Variants in CEP76 observed in about 807,000 individuals in gnomAD.
CEP76 encodes centrosomal protein 76, also known as centrosomal protein of 76 kDa.
A neutral mutation model predicts 83.3 loss-of-function variants in CEP76; 55 were observed. That is an observed-to-expected ratio of 0.66 (90% confidence interval 0.53 to 0.83). The LOEUF is 0.83. Ranked by LOEUF, CEP76 falls within the 40% of genes least tolerant of loss-of-function variation. The pLI is 0.00. For missense variants in CEP76, 694 were observed against 799.5 expected (o/e 0.87, Z 1.59); for synonymous variants, 270 against 274.5 (o/e 0.98, Z 0.16).
At chr18:12,687,482 G>A (rs1172225943) in intron 7 of CEP76, among the ~76,000 whole-genome samples, 1 of 144,706 alleles carries the variant, frequency 6.9e-6, no homozygotes, top group Non-Finnish European at 1.5e-5. Flanking sequence ...TTGAGACAGA[G>A]TCTCGCTGTT....
At chr18:12,688,872 T>G (rs2145057674) in intron 7 of CEP76, among the ~76,000 whole-genome samples, 1 of 152,242 alleles carries the variant, frequency 6.6e-6, no homozygotes, top group South Asian at 2.1e-4. Flanking sequence ...CCCAGCACTT[T>G]GGGAGGCCGA....
chr18:12,699,960 G>A (rs988927176), intron 2 of CEP76, 55 bp from the exon 3 acceptor site: 2 of 1,206,236 alleles, frequency 1.7e-6, no homozygotes, highest in African/African-American at 1.6e-5. Context: ...TATAGGTTAA[G>A]GAAATGTCAA....
intron 8 of CEP76, among the ~76,000 whole-genome samples, chr18:12,683,186 C>CAAAAAAAAAAAAAAAAAAAAAAAAAAA (rs765652085): frequency 1.7e-4 from 11 of 63,676 alleles, no homozygotes; most frequent in Middle Eastern, 0.014. Flanking sequence ...CTAAAAATAC[C>CAAAAAAAAAAAAAAAAAAAAAAAAAAA]AAAAAAAAAA....
chr18:12,677,033 A>G lies in CEP76; in HGVS notation c.1623+1076T>C, dbSNP rs142975223. Among the ~76,000 whole-genome samples, 1,242 of 152,300 alleles carry G rather than the reference A, an allele frequency of 8.2e-3. 14 individuals carry two copies. The highest frequency in any genetic ancestry group is 0.028 in the African/African-American group (1,180 of 41,556). On this transcript the variant is annotated intron_variant, in intron 10 of 11. Coordinates refer to ENST00000262127, the MANE Select transcript of CEP76 (RefSeq NM_024899.4). ...CAACTTTTCCCACCCCACAGCTTCA[A>G]TCTCTTAATGTCTTCTCTTGATGAG...
At position 12,699,911 on chromosome 18, in the gene CEP76, AAGGC is replaced by A; in HGVS notation, c.220-10_220-7del. The stretch of plus-strand genomic sequence containing the variant: ...AGTTCTTGCTCAACACTGTCCTAGA[AAGGC>A]AGGAAAAAAAAATCAAAACAAATTA... On this transcript the variant is annotated splice_region_variant and splice_polypyrimidine_tract_variant and intron_variant, in intron 2 of 11. Coordinates refer to ENST00000262127, the MANE Select transcript of CEP76 (RefSeq NM_024899.4). The A allele has an allele frequency of 6.4e-7, 1 of 1,563,192 alleles. No individual in the cohort carries two copies. The highest frequency in any genetic ancestry group is 1.2e-5 in the South Asian group (1 of 82,442).
At chr18:12,695,383 T>C in intron 5 of CEP76, 32 bp from the exon 6 acceptor site, 1 of 1,061,938 alleles carries the variant, frequency 9.4e-7, no homozygotes, top group Middle Eastern at 2.9e-4. Flanking sequence ...ACTTCAGAGA[T>C]TTCAATACTA....
chr18:12,688,910 C>T (rs1166291863), intron 7 of CEP76, among the ~76,000 whole-genome samples: 2 of 151,924 alleles, frequency 1.3e-5, no homozygotes, highest in African/African-American at 2.4e-5. Flanking sequence ...GTCAGGAGAT[C>T]GAGACCATCC....
chr18:12,694,162 C>T (rs757102014), intron 6 of CEP76, among the ~76,000 whole-genome samples: 14 of 152,032 alleles, frequency 9.2e-5, no homozygotes, highest in Non-Finnish European at 1.8e-4. Context: ...GGTATATATA[C>T]CACCCATGAC....
intron 10 of CEP76, among the ~76,000 whole-genome samples, chr18:12,675,624 A>G (rs1232623589): frequency 6.6e-6 from 1 of 152,126 alleles, no homozygotes; most frequent in Non-Finnish European, 1.5e-5. Context: ...AGCTTAAAAC[A>G]TATTTCTATG....
downstream of CEP76, among the ~76,000 whole-genome samples, chr18:12,669,075 G>C (rs563196372): frequency 1.1e-5 from 1 of 90,680 alleles, no homozygotes; most frequent in African/African-American, 4.2e-5. Flanking sequence ...GAGTTTCACT[G>C]TTTCCCAAGC....
At chr18:12,697,469 A>G in intron 4 of CEP76, 61 bp from the exon 5 acceptor site, 1 of 1,111,828 alleles carries the variant, frequency 9.0e-7, no homozygotes, top group East Asian at 2.5e-5. Flanking sequence ...CCAACATAAA[A>G]GAATACTTTT....
At chr18:12,689,669 T>C (rs1344335554) in intron 7 of CEP76, among the ~76,000 whole-genome samples, 1 of 152,192 alleles carries the variant, frequency 6.6e-6, no homozygotes, top group East Asian at 1.9e-4. Context: ...ATTTCTCTGA[T>C]TCACTGCCTC....
intron 12 of CEP76, among the ~76,000 whole-genome samples, chr18:12,664,406 C>T (rs1013272162): frequency 2.0e-5 from 3 of 151,356 alleles, no homozygotes. Context: ...AAAAATTAGC[C>T]GGGCATGGTG....
intron 4 of CEP76, 119 bp downstream of exon 4, chr18:12,698,860 C>T: frequency 1.4e-6 from 1 of 715,344 alleles, no homozygotes; most frequent in Non-Finnish European, 2.3e-6. Context: ...CAGTGGGAAA[C>T]AAAATAGAGA....
intron 12 of CEP76, among the ~76,000 whole-genome samples, chr18:12,664,352 G>A (rs140808797): frequency 5.3e-4 from 80 of 151,988 alleles, no homozygotes; most frequent in African/African-American, 1.9e-3. Flanking sequence ...GACCATCCTG[G>A]CTAACACGGT....
intron 3 of CEP76, 55 bp from the exon 4 acceptor site, chr18:12,699,258 G>A (rs2040068114): frequency 5.8e-6 from 7 of 1,207,262 alleles, no homozygotes; most frequent in East Asian, 2.4e-5. Context: ...AAAAGAATGT[G>A]ATCAAGACAT....
chr18:12,667,102 TA>T (rs1276810137), intron 12 of CEP76, among the ~76,000 whole-genome samples: 4 of 152,008 alleles, frequency 2.6e-5, no homozygotes, highest in Non-Finnish European at 4.4e-5. Context: ...AATTAGTGAT[TA>T]AAAAAAGAAA....
chr18:12,692,717 G>C lies in CEP76; in HGVS notation c.805-1230C>G, dbSNP rs147330657. ...CTGCACTAGAATCTAAACTCCTTGA[G>C]AGCAAGCTGTCTAGCTGTCTGCTGC... is the stretch of plus-strand genomic sequence containing the variant. On this transcript the variant is annotated intron_variant, in intron 6 of 11. Transcript: ENST00000262127. Among the ~76,000 whole-genome samples the C allele has an allele frequency of 1.1e-3, 170 of 152,324 alleles. 1 individual carries two copies. Among genetic ancestry groups the C allele is most frequent in the East Asian group, 6.9e-3 (36 of 5,184 alleles).
chr18:12,699,787 T>C, intron 3 of CEP76, 43 bp downstream of exon 3: 1 of 1,127,500 alleles, frequency 8.9e-7, no homozygotes, highest in South Asian at 1.5e-5. Flanking sequence ...CACATCAATA[T>C]TTACTATTAA....
Sources: allele counts gnomAD v4.1 joint callset (sites outside exome capture counted in the v4.1 genomes callset), GRCh38; gene constraint gnomAD v4.1.1; transcripts MANE v1.5; gene names NCBI Gene and HGNC (gene_info 2026-07-23, HGNC 2026-07-21).